The following STRN variants were observed in gnomAD, a reference collection of about 807,000 sequenced individuals.
The protein encoded by STRN is striatin.
In STRN, 53 loss-of-function variants were observed where a neutral mutation model predicts 96.3. The ratio of observed to expected loss-of-function variants is 0.55; its 90% CI spans 0.44 to 0.69. The LOEUF is 0.69. STRN is among the 30% of genes least tolerant of loss of function. The pLI is 0.00. For synonymous variants in STRN, 428 were observed against 355.9 expected (o/e 1.20, Z -2.28); for missense variants, 987 against 963.9 (o/e 1.02, Z -0.32).
At position 36,840,535 on chromosome 2, in the gene STRN, G is replaced by C. The variant is rs964456591; in HGVS notation, c.*8921C>G. On this transcript the variant is annotated 3_prime_UTR_variant, in exon 18 of 18. Coordinates refer to ENST00000263918, the MANE Select transcript of STRN (RefSeq NM_003162.4). ...AATGCATTTGAGCATCAACTGTCAA[G>C]AGATTTTTTTTTTTTTTTTTTGGTC... The C allele has an allele frequency of 1.8e-4, 11 of 61,430 alleles. No individual in the cohort carries two copies. Among genetic ancestry groups the C allele is most frequent in the African/African-American group, 3.9e-4 (10 of 25,790 alleles). The allele number at this position is 61,430 out of a possible 1,614,324, so 3.8% of individuals were successfully genotyped here. A position where few individuals can be genotyped will look rare whatever the true frequency, so the allele number is the denominator to read the frequency against.
chr2:36,936,432 T>C (rs1264209567), intron 1 of STRN, among the ~76,000 whole-genome samples: 1 of 152,210 alleles, frequency 6.6e-6, no homozygotes, highest in Admixed American at 6.5e-5. Flanking sequence ...GAGAAATTCA[T>C]GCTTATGGAA....
At chr2:36,864,412 T>A (rs1668569573) in intron 12 of STRN, among the ~76,000 whole-genome samples, 1 of 152,224 alleles carries the variant, frequency 6.6e-6, no homozygotes, top group Admixed American at 6.5e-5. Context: ...GTTGAGATGA[T>A]CATGTGATTT....
intron 16 of STRN, among the ~76,000 whole-genome samples, chr2:36,850,046 G>GGTC (rs1668182130): frequency 6.6e-6 from 1 of 152,160 alleles, no homozygotes; most frequent in African/African-American, 2.4e-5. Flanking sequence ...ATGGAAGTCA[G>GGTC]TAATTTCTAC....
chr2:36,850,443 C>T (rs1056232165), intron 16 of STRN, among the ~76,000 whole-genome samples: 1 of 152,048 alleles, frequency 6.6e-6, no homozygotes, highest in Non-Finnish European at 1.5e-5. Context: ...TCTCCATGCA[C>T]AATTCAAATC....
At chr2:36,852,994 G>A (rs1169871335) in intron 15 of STRN, among the ~76,000 whole-genome samples, 1 of 151,938 alleles carries the variant, frequency 6.6e-6, no homozygotes, top group East Asian at 1.9e-4. Flanking sequence ...CTGTCTCTAC[G>A]CAAAATACAA....
chr2:36,954,367 T>C (rs974064456), intron 1 of STRN, among the ~76,000 whole-genome samples: 2 of 151,436 alleles, frequency 1.3e-5, no homozygotes, highest in African/African-American at 4.9e-5. Context: ...AAAAAATTAA[T>C]TAGGTGTGGT....
Position 36,846,040 on chromosome 2 carries a change from T to TC in STRN, c.*3415_*3416insG, listed in dbSNP as rs2148116875. ...CACTGTAAGGCTGCATTTTTTTTTTTAAAGGCACCTCTCATTTTCTAGCTA... is the reference window on the plus strand; with the variant it reads ...CACTGTAAGGCTGCATTTTTTTTTTTCAAAGGCACCTCTCATTTTCTAGCTA... On this transcript the variant is annotated 3_prime_UTR_variant, in exon 18 of 18. Coordinates refer to ENST00000263918, the MANE Select transcript of STRN (RefSeq NM_003162.4). 2 of 145,618 alleles carry TC rather than the reference T, an allele frequency of 1.4e-5. No homozygotes were observed. The highest frequency in any genetic ancestry group is 4.5e-4 in the South Asian group (2 of 4,484). The allele number at this position is 145,618 out of a possible 1,614,324, so 9.0% of individuals were successfully genotyped here.
intron 1 of STRN, among the ~76,000 whole-genome samples, chr2:36,941,187 A>G (rs939286860): frequency 4.6e-5 from 7 of 152,228 alleles, no homozygotes; most frequent in African/African-American, 1.7e-4. Flanking sequence ...AAATGATAAA[A>G]CCCAATGTTC....
At chr2:36,908,214 T>G (rs1419001805) in intron 3 of STRN, among the ~76,000 whole-genome samples, 1 of 152,190 alleles carries the variant, frequency 6.6e-6, no homozygotes, top group African/African-American at 2.4e-5. Context: ...AGTTCTGAGG[T>G]CATTAAATCT....
intron 14 of STRN, among the ~76,000 whole-genome samples, chr2:36,856,848 G>C (rs1452617372): frequency 6.6e-6 from 1 of 152,018 alleles, no homozygotes; most frequent in Non-Finnish European, 1.5e-5. Context: ...CACAAGATTT[G>C]GTTGTTTAAA....
intron 1 of STRN, among the ~76,000 whole-genome samples, chr2:36,937,425 T>A (rs1670732279): frequency 6.6e-6 from 1 of 150,982 alleles, no homozygotes; most frequent in Non-Finnish European, 1.5e-5. Context: ...TCTTATCACT[T>A]TGGGAGGTCA....
chr2:36,874,728 A>AC (rs1369885598), intron 10 of STRN, among the ~76,000 whole-genome samples: 13 of 147,648 alleles, frequency 8.8e-5, no homozygotes, highest in Non-Finnish European at 1.5e-4. Context: ...AAAAAAAAAA[A>AC]AAAAAAAAAA....
At chr2:36,876,217 G>A (rs2148161823) in intron 10 of STRN, among the ~76,000 whole-genome samples, 1 of 150,030 alleles carries the variant, frequency 6.7e-6, no homozygotes, top group East Asian at 1.9e-4. Flanking sequence ...GGTGCAGTGA[G>A]CTGAGATCAA....
chr2:36,880,489 ACT>A (rs1480632391), intron 9 of STRN, among the ~76,000 whole-genome samples: 2 of 152,218 alleles, frequency 1.3e-5, no homozygotes, highest in Non-Finnish European at 2.9e-5. Context: ...GTAGTGACAA[ACT>A]CTTAAAATCC....
intron 1 of STRN, among the ~76,000 whole-genome samples, chr2:36,927,823 T>G (rs1670454521): frequency 6.6e-6 from 1 of 152,220 alleles, no homozygotes; most frequent in Non-Finnish European, 1.5e-5. Flanking sequence ...TGGTAATATC[T>G]GTCAAGTTTG....
At chr2:36,851,283 G>A (rs900668777) in intron 15 of STRN, among the ~76,000 whole-genome samples, 176 bp from the exon 16 acceptor site, 1 of 152,092 alleles carries the variant, frequency 6.6e-6, no homozygotes, top group African/African-American at 2.4e-5. Context: ...AGGAGATCGA[G>A]ACCATCCTGG....
intron 9 of STRN, among the ~76,000 whole-genome samples, chr2:36,878,576 C>T (rs1222642887): frequency 6.6e-6 from 1 of 152,098 alleles, no homozygotes; most frequent in Non-Finnish European, 1.5e-5. Flanking sequence ...AAGGAAGCAA[C>T]AACAGGACTT....
chr2:36,879,122 G>C (rs1669000401), intron 9 of STRN, among the ~76,000 whole-genome samples: 1 of 151,824 alleles, frequency 6.6e-6, no homozygotes, highest in Non-Finnish European at 1.5e-5. Flanking sequence ...CCAGGCTGGA[G>C]TGCACTGGCA....
rs534025128 is a variant in STRN, at chr2:36,840,373, T to C, written c.*9083A>G. The C allele has an allele frequency of 6.6e-6, 1 of 152,166 alleles. No individual in the cohort carries two copies. Among genetic ancestry groups the C allele is most frequent in the Non-Finnish European group, 1.5e-5 (1 of 68,060 alleles). 9.4% of individuals were successfully genotyped at this position (152,166 alleles called of 1,614,324 possible). ...GTCCCCACCATGCTCTGCTCAGTTT[T>C]CACGCAGGCAGGACTGGAACTGTGC... On this transcript the variant is annotated 3_prime_UTR_variant, in exon 18 of 18. Transcript: ENST00000263918.
Sources: allele counts gnomAD v4.1 joint callset (sites outside exome capture counted in the v4.1 genomes callset), GRCh38; gene constraint gnomAD v4.1.1; transcripts MANE v1.5; gene names NCBI Gene and HGNC (gene_info 2026-07-23, HGNC 2026-07-21).